The following LRRN3 variants were observed in gnomAD, a reference collection of about 807,000 sequenced individuals.
LRRN3 encodes the protein leucine rich repeat neuronal 3.
A neutral mutation model predicts 40.1 loss-of-function variants in LRRN3; 15 were observed. That is an observed-to-expected ratio of 0.37 (90% CI 0.25 to 0.58). LRRN3 has a LOEUF of 0.58. Among genes scored for constraint, LRRN3 ranks in the 20% least tolerant of loss-of-function variants. The probability of loss-of-function intolerance (pLI) is 0.72; values close to 1 mark genes in which losing one functional copy is unlikely to be tolerated. For synonymous variants in LRRN3, 308 were observed against 297.2 expected (o/e 1.04, Z -0.37); for missense variants, 746 against 837.7 (o/e 0.89, Z 1.35).
intron 1 of LRRN3, among the ~76,000 whole-genome samples, chr7:111,099,140 G>A (rs1301228023): frequency 6.6e-6 from 1 of 151,602 alleles, no homozygotes; most frequent in Non-Finnish European, 1.5e-5. Flanking sequence ...CCATCGAGTG[G>A]AAGTCAACAT....
Position 111,124,726 on chromosome 7 carries a change from G to A in LRRN3, c.1954G>A (p.Glu652Lys), listed in dbSNP as rs1271626764. Residue 652 changes from glutamate to lysine, a missense_variant, in exon 3 of 3, where the codon GAA becomes AAA. Coordinates refer to ENST00000308478, the MANE Select transcript of LRRN3 (RefSeq NM_001099658.2). Reference sequence around the variant, plus strand: ...ATGTCTTATCAGCTGCCTCTCTCCAGAAATGAACTGTGATGGTGGACACAG... The same window carrying A: ...ATGTCTTATCAGCTGCCTCTCTCCAAAAATGAACTGTGATGGTGGACACAG... Reference protein sequence around the residue: ...VICLISCLSPEMNCDGGHSYV... With the variant: ...VICLISCLSPKMNCDGGHSYV... 1 of 1,613,962 alleles carries A rather than the reference G, an allele frequency of 6.2e-7. No individual in the cohort carries two copies. Among genetic ancestry groups the A allele is most frequent in the Non-Finnish European group, 8.5e-7 (1 of 1,179,988 alleles).
Position 111,100,112 on chromosome 7 carries a change from C to G in LRRN3, c.-359+150C>G, listed in dbSNP as rs577894925. The G allele has an allele frequency of 1.3e-4, 20 of 151,658 alleles. No homozygotes were observed. The South Asian group carries it at 4.1e-3, about 31-fold the overall frequency. The allele number at this position is 151,658 out of a possible 1,614,324, so 9.4% of individuals were successfully genotyped here. On this transcript the variant is annotated intron_variant, in intron 2 of 2. Transcript: ENST00000308478. ...GACTCTGAAGCCCATGTTATGGTGTCTTCCTTAGCATGTATTTCTTTTTTT... is the reference window on the plus strand; with the variant it reads ...GACTCTGAAGCCCATGTTATGGTGTGTTCCTTAGCATGTATTTCTTTTTTT...
intron 2 of LRRN3, among the ~76,000 whole-genome samples, chr7:111,108,151 T>A (rs534188917): frequency 0.021 from 3,231 of 152,260 alleles, 122 homozygotes; most frequent in African/African-American, 0.074. Flanking sequence ...GACAAAAACC[T>A]CACAGATTGT....
Position 111,124,517 on chromosome 7 carries a change from A to G in LRRN3, c.1745A>G (p.His582Arg), listed in dbSNP as rs1356739995. 22 of 1,613,792 alleles carry G rather than the reference A, an allele frequency of 1.4e-5. No individual in the cohort carries two copies. The highest frequency in any genetic ancestry group is 1.9e-5 in the Non-Finnish European group (22 of 1,179,942). ...PSDVKVYNLT[H>R]LNPSTEYKIC... ...GATGTCAAGGTATATAATCTTACTCATCTGAATCCATCAACTGAGTATAAA... is the reference window on the plus strand; with the variant it reads ...GATGTCAAGGTATATAATCTTACTCGTCTGAATCCATCAACTGAGTATAAA... The change falls in exon 3 of 3, where the codon CAT (histidine) becomes CGT (arginine). Residue 582 changes from histidine to arginine, a missense_variant. By Grantham distance (29) the His-to-Arg change is conservative. Coordinates refer to ENST00000308478, the MANE Select transcript of LRRN3 (RefSeq NM_001099658.2).
intron 2 of LRRN3, among the ~76,000 whole-genome samples, chr7:111,117,907 A>T (rs1800086409): frequency 6.6e-6 from 1 of 152,124 alleles, no homozygotes; most frequent in Non-Finnish European, 1.5e-5. Context: ...AATAAAGTGC[A>T]AAGAAGAAGG....
chr7:111,093,250 T>C (rs931627651), intron 1 of LRRN3, among the ~76,000 whole-genome samples: 1 of 152,206 alleles, frequency 6.6e-6, no homozygotes, highest in Non-Finnish European at 1.5e-5. Flanking sequence ...TTGGCAGCTT[T>C]GCTCGCTCTG....
At chr7:111,102,712 C>T (rs2129580481) in intron 2 of LRRN3, among the ~76,000 whole-genome samples, 1 of 151,526 alleles carries the variant, frequency 6.6e-6, no homozygotes, top group East Asian at 1.9e-4. Context: ...ATAGAATAAT[C>T]CAGCTTCTTC....
intron 2 of LRRN3, among the ~76,000 whole-genome samples, chr7:111,119,360 A>G (rs1161851785): frequency 6.6e-6 from 1 of 152,184 alleles, no homozygotes; most frequent in Non-Finnish European, 1.5e-5. Context: ...TCCCCTCCAG[A>G]CTGAAATTTT....
intron 2 of LRRN3, among the ~76,000 whole-genome samples, chr7:111,120,187 T>C (rs1800418686): frequency 6.6e-6 from 1 of 152,118 alleles, no homozygotes; most frequent in African/African-American, 2.4e-5. Flanking sequence ...AATATCTAGG[T>C]CTTTGTGTTA....
chr7:111,101,215 A>C (rs918679225), intron 2 of LRRN3, among the ~76,000 whole-genome samples: 1 of 151,660 alleles, frequency 6.6e-6, no homozygotes, highest in African/African-American at 2.4e-5. Flanking sequence ...TTCTAAGATA[A>C]TATCTTACCA....
chr7:111,120,990 T>G (rs1481903274), intron 2 of LRRN3, among the ~76,000 whole-genome samples: 1 of 152,046 alleles, frequency 6.6e-6, no homozygotes, highest in East Asian at 1.9e-4. Context: ...TTTCCTTTTT[T>G]CCCTATAACT....
intron 2 of LRRN3, among the ~76,000 whole-genome samples, chr7:111,109,820 AGTTAATGGAAAGG>A (rs1798982841): frequency 6.6e-6 from 1 of 152,170 alleles, no homozygotes; most frequent in African/African-American, 2.4e-5. Flanking sequence ...GGAAAACTGA[AGTTAATGGAAAGG>A]GCCCTTAAAA....
At position 111,124,620 on chromosome 7, in the gene LRRN3, T is replaced by A. The variant is rs902572796; in HGVS notation, c.1848T>A (p.Pro616=). 7 of 1,613,996 alleles carry A rather than the reference T, an allele frequency of 4.3e-6. No individual in the cohort carries two copies. The highest frequency in any genetic ancestry group is 1.3e-5 in the African/African-American group (1 of 75,044). ...CVNVTTKGLH[P]DQKEYEKNNT... is the part of the protein sequence containing the mutation. ...ATGTCACCACCAAAGGTTTGCACCCTGATCAAAAAGAGTATGAAAAGAATA... is the reference window on the plus strand; with the variant it reads ...ATGTCACCACCAAAGGTTTGCACCCAGATCAAAAAGAGTATGAAAAGAATA... Residue 616 remains proline, a synonymous_variant, in exon 3 of 3, where the codon CCT becomes CCA. Coordinates refer to ENST00000308478, the MANE Select transcript of LRRN3 (RefSeq NM_001099658.2).
chr7:111,108,748 G>A (rs549367292), intron 2 of LRRN3, among the ~76,000 whole-genome samples: 13 of 152,034 alleles, frequency 8.6e-5, no homozygotes, highest in Non-Finnish European at 1.6e-4. Flanking sequence ...AATAGTTCAT[G>A]CATACAAACC....
intron 2 of LRRN3, among the ~76,000 whole-genome samples, chr7:111,112,617 C>T (rs917927760): frequency 2.0e-5 from 3 of 152,146 alleles, no homozygotes; most frequent in African/African-American, 7.2e-5. Context: ...TTTGTATCCT[C>T]TGGACACAAA....
chr7:111,112,869 T>C (rs1485181347), intron 2 of LRRN3, among the ~76,000 whole-genome samples: 1 of 152,190 alleles, frequency 6.6e-6, no homozygotes, highest in Non-Finnish European at 1.5e-5. Context: ...CCCGAAAATG[T>C]GGTGCTATAA....
At chr7:111,098,262 A>T (rs1222954990) in intron 1 of LRRN3, among the ~76,000 whole-genome samples, 1 of 151,746 alleles carries the variant, frequency 6.6e-6, no homozygotes, top group East Asian at 1.9e-4. Flanking sequence ...TTACTCACGT[A>T]TTTTTTACAC....
rs2129589416 is a variant in LRRN3 at position 111,123,261 on chromosome 7, A to T, written c.489A>T (p.Leu163=). ...TTTCACCTGGAGCCTTTATTGGCCTACATAATCTTCTTCGACTTCATCTCA... is the reference window on the plus strand; with the variant it reads ...TTTCACCTGGAGCCTTTATTGGCCTTCATAATCTTCTTCGACTTCATCTCA... ...STISPGAFIG[L]HNLLRLHLNS... is the part of the protein sequence containing the mutation. Residue 163 remains leucine (L), a synonymous_variant, in exon 3 of 3, where the codon CTA becomes CTT. Coordinates refer to ENST00000308478, the MANE Select transcript of LRRN3 (RefSeq NM_001099658.2). This position sits in a 1 kb window ranked among gnomAD's most constrained non-coding sequence, Gnocchi z 6.4. 1 of 1,613,902 alleles carries T rather than the reference A, an allele frequency of 6.2e-7. No individual in the cohort carries two copies. Among genetic ancestry groups the T allele is most frequent in the East Asian group, 2.2e-5 (1 of 44,848 alleles).
chr7:111,109,177 G>A (rs2129582487), intron 2 of LRRN3, among the ~76,000 whole-genome samples: 1 of 152,132 alleles, frequency 6.6e-6, no homozygotes, highest in Admixed American at 6.5e-5. Flanking sequence ...CAAACATCTA[G>A]AATGTGTAAA....
Sources: gnomAD v4.1 joint callset for allele counts (sites outside exome capture counted in the v4.1 genomes callset) on GRCh38, gnomAD v4.1.1 for gene constraint, Gnocchi (gnomAD v3.1) non-coding constraint, MANE v1.5 for transcripts, NCBI Gene and HGNC (gene_info 2026-07-23, HGNC 2026-07-21) for gene names.